The following MAML3 variants were observed in gnomAD, a reference collection of about 807,000 sequenced individuals.
MAML3 encodes the protein mastermind like transcriptional coactivator 3.
MAML3 carries 27 observed loss-of-function variants against 101.9 expected under a neutral mutation model. That is an observed-to-expected ratio of 0.27 (90% CI 0.20 to 0.37). The LOEUF is 0.37. Among genes scored for constraint, MAML3 ranks in the 10% least tolerant of loss-of-function variants. MAML3 has a pLI of 1.00. For missense variants in MAML3, 1,316 were observed against 1,444.9 expected (o/e 0.91, Z 1.45); for synonymous variants, 501 against 555.9 (o/e 0.90, Z 1.39).
intron 1 of MAML3, among the ~76,000 whole-genome samples, chr4:139,903,222 A>T (rs1250334919): frequency 6.6e-6 from 1 of 152,150 alleles, no homozygotes; most frequent in Non-Finnish European, 1.5e-5. Flanking sequence ...CGATCCTCCC[A>T]CCTAAGCCTC....
intron 2 of MAML3, among the ~76,000 whole-genome samples, chr4:139,878,789 C>G (rs1487200996): frequency 6.6e-6 from 1 of 152,152 alleles, no homozygotes; most frequent in East Asian, 1.9e-4. Flanking sequence ...TTGTGGCTGA[C>G]CTCTGTGCCT....
intron 1 of MAML3, among the ~76,000 whole-genome samples, chr4:139,989,878 C>G (rs62347769): frequency 3.6e-3 from 178 of 49,054 alleles, no homozygotes; most frequent in Admixed American, 8.1e-3. Flanking sequence ...CACACACACA[C>G]ACACAGAGAG....
At position 139,917,911 on chromosome 4, in the gene MAML3, T is replaced by A. The variant is rs114174294; in HGVS notation, c.469-26944A>T. ...ATTTATAGTCAAAGACCCATAGACA[T>A]CTTCCTTTACTTTACAGAATAGATA... is the stretch of plus-strand genomic sequence containing the variant. On this transcript the variant is annotated intron_variant, in intron 1 of 4. Transcript: ENST00000509479. Among the ~76,000 whole-genome samples the A allele has an allele frequency of 5.1e-3, 772 of 152,346 alleles. 5 individuals carry two copies. Among genetic ancestry groups the A allele is most frequent in the African/African-American group, 0.018 (733 of 41,586 alleles).
At chr4:140,053,307 C>T (rs183430718) in intron 1 of MAML3, among the ~76,000 whole-genome samples, 62 of 152,288 alleles carry the variant, frequency 4.1e-4, no homozygotes, top group Non-Finnish European at 7.5e-4. Flanking sequence ...TCCTACTACT[C>T]CCCTTCATCT....
chr4:140,017,922 G>C (rs1726669055), intron 1 of MAML3, among the ~76,000 whole-genome samples: 1 of 151,742 alleles, frequency 6.6e-6, no homozygotes. Context: ...CCATTTGGGG[G>C]AATTGGGCTA....
chr4:139,992,368 G>T (rs1269273718), intron 1 of MAML3, among the ~76,000 whole-genome samples: 1 of 151,994 alleles, frequency 6.6e-6, no homozygotes, highest in Non-Finnish European at 1.5e-5. Context: ...CATGGCCTTA[G>T]AGTAGCATGG....
chr4:139,850,937 A>G (rs562839470), intron 2 of MAML3, among the ~76,000 whole-genome samples: 78 of 152,160 alleles, frequency 5.1e-4, no homozygotes, highest in African/African-American at 1.8e-3. Context: ...GCCCTCTACC[A>G]AAATGTAAGA....
intron 1 of MAML3, among the ~76,000 whole-genome samples, chr4:140,027,560 C>T (rs566723536): frequency 2.0e-5 from 3 of 152,316 alleles, no homozygotes; most frequent in Non-Finnish European, 4.4e-5. Flanking sequence ...TTGCCCTCTG[C>T]CCTACCCAGT....
intron 1 of MAML3, among the ~76,000 whole-genome samples, chr4:140,120,466 A>G (rs1728589754): frequency 6.6e-6 from 1 of 152,158 alleles, no homozygotes; most frequent in South Asian, 2.1e-4. Flanking sequence ...CTGTTTCTCT[A>G]TTTCCTTATT....
intron 1 of MAML3, among the ~76,000 whole-genome samples, chr4:140,143,412 G>C (rs17005566): frequency 0.15 from 23,326 of 152,208 alleles, 1,883 homozygotes; most frequent in Middle Eastern, 0.24. Context: ...AGCACCATAA[G>C]GTGTTCAGGA....
chr4:140,021,376 T>A (rs984668501), intron 1 of MAML3, among the ~76,000 whole-genome samples: 1 of 152,260 alleles, frequency 6.6e-6, no homozygotes, highest in African/African-American at 2.4e-5. Flanking sequence ...TTCAGCAGCA[T>A]AACCTTTATG....
At chr4:140,062,732 A>G (rs1727467791) in intron 1 of MAML3, among the ~76,000 whole-genome samples, 1 of 152,234 alleles carries the variant, frequency 6.6e-6, no homozygotes, top group African/African-American at 2.4e-5. Flanking sequence ...ATGAGTAAAC[A>G]ACTGCTTAGG....
Position 139,889,418 on chromosome 4 carries a change from A to G in MAML3, c.2018T>C (p.Met673Thr). ...LSEDQKRLLL[M>T]KQKGVMNQPM... Reference sequence around the variant, plus strand: ...CTGATTCATCACTCCTTTCTGCTTCATGAGAAGCAGGCGTTTCTGGTCTTC... The same window carrying G: ...CTGATTCATCACTCCTTTCTGCTTCGTGAGAAGCAGGCGTTTCTGGTCTTC... The change falls in exon 2 of 5, where the codon ATG becomes ACG. Residue 673 changes from methionine to threonine, a missense_variant. Coordinates refer to ENST00000509479, the MANE Select transcript of MAML3 (RefSeq NM_018717.5). The G allele has an allele frequency of 6.2e-7, 1 of 1,614,060 alleles. No homozygotes were observed. The highest frequency in any genetic ancestry group is 8.5e-7 in the Non-Finnish European group (1 of 1,179,898).
At chr4:139,888,904 T>C (rs1018517750) in intron 2 of MAML3, among the ~76,000 whole-genome samples, 1 of 152,192 alleles carries the variant, frequency 6.6e-6, no homozygotes, top group Non-Finnish European at 1.5e-5. Flanking sequence ...TTCCCATTAT[T>C]CATAATTCAG....
chr4:140,151,440 CTT>C lies in MAML3; in HGVS notation c.468+1418_468+1419del, dbSNP rs558027057. On this transcript the variant is annotated intron_variant, in intron 1 of 4. Transcript: ENST00000509479. ...TCGCCTCCCCTCCCCCAAGCCGACT[CTT>C]TGTCACCGAGCGCCGGCCCGAGCCC... 4.6e-5 allele frequency among the ~76,000 whole-genome samples: 7 copies of C among 151,980 alleles called. No homozygotes were observed. The South Asian group carries it at 8.3e-4, about 18-fold the overall frequency.
chr4:139,744,866 T>C (rs1159118495), intron 2 of MAML3, among the ~76,000 whole-genome samples: 3 of 152,188 alleles, frequency 2.0e-5, no homozygotes, highest in Non-Finnish European at 4.4e-5. Flanking sequence ...AGACCCGGGA[T>C]GGGCAGAGTG....
intron 2 of MAML3, among the ~76,000 whole-genome samples, chr4:139,775,789 C>A (rs777173035): frequency 5.9e-5 from 9 of 152,128 alleles, no homozygotes; most frequent in Non-Finnish European, 1.3e-4. Context: ...CGGTGGACAT[C>A]CTTTGCCATC....
At chr4:140,118,065 C>T (rs542053245) in intron 1 of MAML3, among the ~76,000 whole-genome samples, 6 of 151,836 alleles carry the variant, frequency 4.0e-5, no homozygotes, top group Non-Finnish European at 5.9e-5. Flanking sequence ...CACCCACAGC[C>T]GGCATTTCTT....
At chr4:140,045,923 G>C (rs1039153391) in intron 1 of MAML3, among the ~76,000 whole-genome samples, 1 of 152,174 alleles carries the variant, frequency 6.6e-6, no homozygotes, top group African/African-American at 2.4e-5. Flanking sequence ...AGGGTTAAGC[G>C]CAGCAACATG....
Sources: gnomAD v4.1 joint callset for allele counts (sites outside exome capture counted in the v4.1 genomes callset) on GRCh38, gnomAD v4.1.1 for gene constraint, MANE v1.5 for transcripts, NCBI Gene and HGNC (gene_info 2026-07-23, HGNC 2026-07-21) for gene names.